GPR107: variants seen among roughly 807,000 people sequenced by gnomAD.
The protein encoded by GPR107 is protein GPR107.
GPR107 carries 31 observed loss-of-function variants against 75.5 expected under a neutral mutation model. That is an observed-to-expected ratio of 0.41 (90% CI 0.31 to 0.55). The LOEUF (loss-of-function observed/expected upper bound fraction) is 0.55, where lower values mean the gene tolerates loss of function less well. GPR107 is among the 20% of genes least tolerant of loss of function. GPR107 has a pLI of 0.26. For missense variants in GPR107, 572 were observed against 665.7 expected, an observed-to-expected ratio of 0.86 and a Z score of 1.55; for synonymous variants, 267 against 251.3, an observed-to-expected ratio of 1.06 and a Z score of -0.59.
chr9:130,072,724 G>T (rs549823749), intron 1 of GPR107, among the ~76,000 whole-genome samples: 4 of 152,070 alleles, frequency 2.6e-5, no homozygotes, highest in Non-Finnish European at 5.9e-5. Context: ...TTATGTTGGG[G>T]GGGGAACTGC....
intron 14 of GPR107, among the ~76,000 whole-genome samples, chr9:130,116,475 G>A (rs2132635084): frequency 6.6e-6 from 1 of 152,316 alleles, no homozygotes; most frequent in Middle Eastern, 3.4e-3. Flanking sequence ...TGCCTAGCTC[G>A]CTGCTGTGAC....
At chr9:130,056,831 A>G (rs1305373813) in intron 1 of GPR107, among the ~76,000 whole-genome samples, 2 of 138,374 alleles carry the variant, frequency 1.4e-5, no homozygotes, top group Non-Finnish European at 3.1e-5. Flanking sequence ...AGGCTGAGGC[A>G]GGAGAATGGC....
intron 13 of GPR107, among the ~76,000 whole-genome samples, chr9:130,106,028 A>G (rs1220841177): frequency 6.6e-6 from 1 of 152,158 alleles, no homozygotes; most frequent in Non-Finnish European, 1.5e-5. Context: ...TCACTCGGGT[A>G]TCTAACATAG....
At chr9:130,124,408 T>A (rs1325482199) in intron 14 of GPR107, among the ~76,000 whole-genome samples, 1 of 152,212 alleles carries the variant, frequency 6.6e-6, no homozygotes, top group Non-Finnish European at 1.5e-5. Context: ...ACAAGTCACT[T>A]AATGATAACT....
rs115933392 is a variant in GPR107 at position 130,067,705 on chromosome 9, C to A, written c.142-7931C>A. 5.2e-3 allele frequency among the ~76,000 whole-genome samples: 764 copies of A among 146,588 alleles called. 9 individuals are homozygous for A. The highest frequency in any genetic ancestry group is 0.018 in the African/African-American group (728 of 40,910). On this transcript the variant is annotated intron_variant, in intron 1 of 17. Coordinates refer to ENST00000347136, the MANE Select transcript of GPR107 (RefSeq NM_020960.5). ...AACTTCTTAGGTTAGTTTCTCCTAC[C>A]ACTAATAGAAGGCAGCTAATGACTG... is the stretch of plus-strand genomic sequence containing the variant.
intron 1 of GPR107, among the ~76,000 whole-genome samples, chr9:130,075,394 G>A (rs530855524): frequency 9.1e-4 from 138 of 151,678 alleles, no homozygotes; most frequent in African/African-American, 3.2e-3. Context: ...ACAGGTGCCC[G>A]CCACCATGCC....
chr9:130,100,375 G>A (rs954736701), intron 10 of GPR107, among the ~76,000 whole-genome samples: 1 of 152,236 alleles, frequency 6.6e-6, no homozygotes, highest in African/African-American at 2.4e-5. Context: ...GCCCAAGGGG[G>A]TAAGATCACA....
At chr9:130,122,485 C>A (rs914993468) in intron 14 of GPR107, among the ~76,000 whole-genome samples, 1 of 152,212 alleles carries the variant, frequency 6.6e-6, no homozygotes, top group Non-Finnish European at 1.5e-5. Flanking sequence ...TCTCAGTTCT[C>A]ATGTCTTGTC....
intron 1 of GPR107, among the ~76,000 whole-genome samples, chr9:130,069,748 C>A (rs757421359): frequency 6.6e-6 from 1 of 151,090 alleles, no homozygotes; most frequent in Non-Finnish European, 1.5e-5. Flanking sequence ...TGCAGTGGCA[C>A]GATCTCAGCT....
chr9:130,062,666 C>T (rs1295112465), intron 1 of GPR107, among the ~76,000 whole-genome samples: 9 of 129,506 alleles, frequency 6.9e-5, no homozygotes, highest in African/African-American at 2.8e-4. Context: ...GCCTGCCTTC[C>T]TTCCTTCCTT....
intron 14 of GPR107, among the ~76,000 whole-genome samples, chr9:130,110,873 A>G (rs1385616283): frequency 6.6e-6 from 1 of 152,178 alleles, no homozygotes; most frequent in East Asian, 1.9e-4. Context: ...GGCAACTAGG[A>G]GCACAAAGGC....
intron 1 of GPR107, 52 bp from the exon 2 acceptor site, chr9:130,075,584 A>C: frequency 2.1e-6 from 2 of 959,492 alleles, no homozygotes; most frequent in Non-Finnish European, 1.7e-6. Context: ...TAGGTTAAAT[A>C]ATCAAAAGCA....
chr9:130,113,081 T>G (rs570256765), intron 14 of GPR107, among the ~76,000 whole-genome samples: 1 of 152,136 alleles, frequency 6.6e-6, no homozygotes, highest in Admixed American at 6.5e-5. Context: ...ATGACTGTTA[T>G]GGTGACACAG....
intron 14 of GPR107, among the ~76,000 whole-genome samples, chr9:130,110,049 G>C (rs1412427301): frequency 6.6e-6 from 1 of 152,162 alleles, no homozygotes; most frequent in Non-Finnish European, 1.5e-5. Context: ...CCTGCCCGTT[G>C]ATGAATTCCT....
chr9:130,086,848 G>A (rs922449637), intron 7 of GPR107, among the ~76,000 whole-genome samples: 1 of 152,046 alleles, frequency 6.6e-6, no homozygotes, highest in Non-Finnish European at 1.5e-5. Context: ...GATGATTTAC[G>A]GTGATGTTGT....
At chr9:130,131,776 C>T (rs1324935660) in intron 17 of GPR107, among the ~76,000 whole-genome samples, 1 of 152,240 alleles carries the variant, frequency 6.6e-6, no homozygotes, top group African/African-American at 2.4e-5. Flanking sequence ...GTCCTGTAGG[C>T]CTTACTTTGT....
At chr9:130,064,986 G>A (rs1288406098) in intron 1 of GPR107, among the ~76,000 whole-genome samples, 1 of 152,150 alleles carries the variant, frequency 6.6e-6, no homozygotes, top group African/African-American at 2.4e-5. Context: ...AACTGTGAGA[G>A]AACAAACTTC....
chr9:130,090,848 C>A, intron 7 of GPR107, 28 bp from the exon 8 acceptor site: 2 of 831,380 alleles, frequency 2.4e-6, no homozygotes, highest in African/African-American at 1.7e-5. Context: ...ATTTGGGTAC[C>A]TTTAAATGTT....
In GPR107 at chr9:130,056,856, C is replaced by T. The variant is rs137978344; in HGVS notation, c.141+2783C>T. ...AGGAGAATGGCATGAACCCGGGAGT[C>T]GGAGCTTGCAGTGAGCCAAGATCAC... is the stretch of plus-strand genomic sequence containing the variant. On this transcript the variant is annotated intron_variant, in intron 1 of 17. Transcript: ENST00000347136. Among the ~76,000 whole-genome samples the T allele has an allele frequency of 8.8e-3, 1,064 of 120,684 alleles. 13 individuals are homozygous for T. The highest frequency in any genetic ancestry group is 0.031 in the African/African-American group (982 of 31,988). The allele number at this position is 120,684 out of a possible 152,430, so 79.2% of individuals were successfully genotyped here.
Sources: allele counts gnomAD v4.1 joint callset (sites outside exome capture counted in the v4.1 genomes callset), GRCh38; gene constraint gnomAD v4.1.1; transcripts MANE v1.5; gene names NCBI Gene and HGNC (gene_info 2026-07-23, HGNC 2026-07-21).